Variants in IQCM observed in about 807,000 individuals in gnomAD.
IQCM encodes the protein IQ motif containing M.
IQCM carries 45 observed loss-of-function variants against 57.6 expected under a neutral mutation model. The ratio of observed to expected loss-of-function variants is 0.78; its 90% confidence interval spans 0.62 to 1.00. The LOEUF is 1.00. IQCM is among the 50% of genes least tolerant of loss of function. IQCM has a pLI of 0.00. For synonymous variants in IQCM, 148 were observed against 158.9 expected (o/e 0.93, Z 0.51); for missense variants, 468 against 511.6 (o/e 0.91, Z 0.82).
intron 7 of IQCM, among the ~76,000 whole-genome samples, chr4:149,631,439 AAATAT>A (rs777793794): frequency 1.3e-5 from 2 of 152,222 alleles, no homozygotes; most frequent in African/African-American, 4.8e-5. Flanking sequence ...ATATAAATGT[AAATAT>A]AATATAAATG....
intron 12 of IQCM, among the ~76,000 whole-genome samples, chr4:149,475,953 G>A (rs1740135901): frequency 6.6e-6 from 1 of 152,132 alleles, no homozygotes; most frequent in African/African-American, 2.4e-5. Context: ...AATGAGCGTG[G>A]ATGACTCTTT....
intron 13 of IQCM, among the ~76,000 whole-genome samples, chr4:149,383,281 T>G (rs1731201999): frequency 6.6e-6 from 1 of 152,186 alleles, no homozygotes; most frequent in Non-Finnish European, 1.5e-5. Context: ...TTTGACTTTC[T>G]CCAGTATCTA....
intron 12 of IQCM, among the ~76,000 whole-genome samples, chr4:149,474,154 CAA>C (rs938188728): frequency 7.6e-6 from 1 of 131,716 alleles, no homozygotes. Context: ...GATTGCTAGT[CAA>C]AAAAAAAAGA....
chr4:149,511,210 C>T (rs936581718), intron 12 of IQCM, among the ~76,000 whole-genome samples: 1 of 152,110 alleles, frequency 6.6e-6, no homozygotes, highest in Admixed American at 6.6e-5. Flanking sequence ...TACCAACTTA[C>T]ATATCACTTT....
At chr4:149,648,832 G>T (rs976380464) in intron 7 of IQCM, among the ~76,000 whole-genome samples, 3 of 151,296 alleles carry the variant, frequency 2.0e-5, no homozygotes, top group African/African-American at 7.3e-5. Context: ...CACCAACATG[G>T]CACACATATA....
At chr4:149,689,141 A>G (rs748177851) in intron 5 of IQCM, among the ~76,000 whole-genome samples, 2 of 152,070 alleles carry the variant, frequency 1.3e-5, no homozygotes, top group Non-Finnish European at 2.9e-5. Context: ...TCACAATAGC[A>G]AAGACTTGGA....
chr4:149,709,953 C>T (rs554662552), intron 5 of IQCM, among the ~76,000 whole-genome samples: 1 of 152,090 alleles, frequency 6.6e-6, no homozygotes, highest in Non-Finnish European at 1.5e-5. Context: ...AGCTTGCAGG[C>T]CAACCAAAAA....
intron 5 of IQCM, among the ~76,000 whole-genome samples, chr4:149,702,158 C>CA (rs1763816946): frequency 6.6e-6 from 1 of 151,868 alleles, no homozygotes; most frequent in Admixed American, 6.6e-5. Context: ...AAAGTCATTA[C>CA]AACTGATAAC....
intron 13 of IQCM, among the ~76,000 whole-genome samples, chr4:149,421,264 A>G (rs1158898254): frequency 1.3e-5 from 2 of 152,064 alleles, no homozygotes; most frequent in Non-Finnish European, 2.9e-5. Context: ...GAAGATTTGA[A>G]CCTTTCCTTC....
intron 13 of IQCM, among the ~76,000 whole-genome samples, chr4:149,412,091 TG>T (rs1161927432): frequency 1.3e-5 from 2 of 151,492 alleles, no homozygotes; most frequent in Non-Finnish European, 1.5e-5. Context: ...TGTGTGTGTG[TG>T]TGTAAAATTC....
chr4:149,519,603 G>T (rs573553976), intron 12 of IQCM, among the ~76,000 whole-genome samples: 22 of 151,972 alleles, frequency 1.4e-4, no homozygotes, highest in Middle Eastern at 3.2e-3. Context: ...CCCAGATTGC[G>T]CCACTGCGCT....
chr4:149,508,329 G>C (rs1744045803), intron 12 of IQCM, among the ~76,000 whole-genome samples: 1 of 152,056 alleles, frequency 6.6e-6, no homozygotes, highest in Non-Finnish European at 1.5e-5. Context: ...CATGTACCTG[G>C]AAAAGCTGCA....
intron 5 of IQCM, among the ~76,000 whole-genome samples, chr4:149,731,274 A>T (rs951185832): frequency 3.9e-5 from 6 of 152,182 alleles, no homozygotes; most frequent in Admixed American, 2.0e-4. Flanking sequence ...GGTTTCAGAG[A>T]GCTGCTAGCC....
chr4:149,452,681 C>T (rs913098775), intron 12 of IQCM, among the ~76,000 whole-genome samples: 2 of 151,660 alleles, frequency 1.3e-5, no homozygotes, highest in East Asian at 1.9e-4. Flanking sequence ...TCACCATCAT[C>T]AAGGCCATAA....
intron 13 of IQCM, among the ~76,000 whole-genome samples, chr4:149,379,818 G>A (rs903061929): frequency 6.6e-6 from 1 of 152,070 alleles, no homozygotes; most frequent in Non-Finnish European, 1.5e-5. Flanking sequence ...GGCCAAGTGT[G>A]GAATCATAGG....
At position 149,367,087 on chromosome 4, in the gene IQCM, C is replaced by T. The variant is rs150494117; in HGVS notation, c.1391-15021G>A. 1.1e-3 allele frequency among the ~76,000 whole-genome samples: 161 copies of T among 152,084 alleles called. 1 individual carries two copies. Among genetic ancestry groups the T allele is most frequent in the African/African-American group, 3.8e-3 (159 of 41,542 alleles). On this transcript the variant is annotated intron_variant, in intron 13 of 13. Transcript: ENST00000636793. Reference sequence around the variant, plus strand: ...TCTGTTTACCAATACCTGATGCTATCATTTTTATTATGAGAAGCTAAGACT... The same window carrying T: ...TCTGTTTACCAATACCTGATGCTATTATTTTTATTATGAGAAGCTAAGACT...
intron 12 of IQCM, among the ~76,000 whole-genome samples, chr4:149,457,422 T>C (rs573773487): frequency 2.5e-4 from 38 of 152,204 alleles, no homozygotes; most frequent in Non-Finnish European, 4.1e-4. Flanking sequence ...AACTGAATAG[T>C]GTGCTTGCTC....
At position 149,678,413 on chromosome 4, in the gene IQCM, A is replaced by G. The variant is rs1231194932; in HGVS notation, c.565+3705T>C. Among the ~76,000 whole-genome samples, 5 of 151,874 alleles carry G rather than the reference A, an allele frequency of 3.3e-5. No individual in the cohort carries two copies. The East Asian group carries it at 9.7e-4, about 29-fold the overall frequency. Reference sequence around the variant, plus strand: ...TGAAACAGAAAATCTATTGCCAGCTAAGAATACTGTATTCAACAAACTACA... The same window carrying G: ...TGAAACAGAAAATCTATTGCCAGCTGAGAATACTGTATTCAACAAACTACA... On this transcript the variant is annotated intron_variant, in intron 7 of 13. Transcript: ENST00000636793.
Position 149,563,736 on chromosome 4 carries a change from T to C in IQCM, c.904A>G (p.Arg302Gly). ...RMVTVMQAHV[R>G]GWLERKRLQR... The stretch of plus-strand genomic sequence containing the variant: ...AATCTTTTCCGTTCAAGCCATCCCC[T>C]GACATGTGCCTGCATGACGGTGACC... The change falls in exon 10 of 14, where the codon AGG becomes GGG. Residue 302 changes from arginine to glycine, a missense_variant. Arg to Gly is a moderately radical substitution (Grantham distance 125, BLOSUM62 -2). Transcript: ENST00000636793. The C allele has an allele frequency of 2.4e-6, 3 of 1,232,088 alleles. No homozygotes were observed. Among genetic ancestry groups the C allele is most frequent in the Non-Finnish European group, 3.0e-6 (3 of 987,928 alleles). The allele number at this position is 1,232,088 out of a possible 1,614,324, so 76.3% of individuals were successfully genotyped here.
Sources: allele counts gnomAD v4.1 joint callset (sites outside exome capture counted in the v4.1 genomes callset), GRCh38; gene constraint gnomAD v4.1.1; transcripts MANE v1.5; gene names NCBI Gene and HGNC (gene_info 2026-07-23, HGNC 2026-07-21).